Variants in UTS2R observed in about 807,000 individuals in gnomAD.
The protein encoded by UTS2R is urotensin-2 receptor.
For missense variants in UTS2R, 653 were observed against 562.2 expected, an observed-to-expected ratio of 1.16 and a Z score of -1.63; for synonymous variants, 335 against 280.9, an observed-to-expected ratio of 1.19 and a Z score of -1.93.
Position 82,374,404 on chromosome 17 carries a change from GC to G in UTS2R, c.84del (p.Asn29ThrfsTer104). ...AGCTCTGTGCCGGAGCCGCCTGGCG[GC>G]CCCAACGCAACCCTCAACAGCTCCT... Reference protein sequence around the residue: ...TGSSVPEPPGGPNATLNSSWA... With the variant: ...TGSSVPEPPGXPNATLNSSWA... On this transcript the variant is annotated frameshift_variant, in exon 3 of 3. Coordinates refer to ENST00000313135, the MANE Select transcript of UTS2R (RefSeq NM_018949.3). LOFTEE classifies it low-confidence loss of function (END_TRUNC). 1.3e-6 allele frequency: 2 copies of G among 1,594,090 alleles called. No individual in the cohort carries two copies. The highest frequency in any genetic ancestry group is 2.2e-5 in the South Asian group (2 of 89,460).
chr17:82,372,659 A>G lies in UTS2R; in HGVS notation c.-207A>G, dbSNP rs1266358434. 6.6e-6 allele frequency among the ~76,000 whole-genome samples: 1 copy of G among 152,178 alleles called. No homozygotes were observed. The highest frequency in any genetic ancestry group is 1.5e-5 in the Non-Finnish European group (1 of 68,032). ...CAGCGGCGACTCCTTCACTGGCTTC[A>G]TGTCACAGTTTGCCTGCCCCGTCCA... On this transcript the variant is annotated 5_prime_UTR_variant, in exon 2 of 3. The change abolishes an upstream ATG in the 5' untranslated region. Transcript: ENST00000313135.
At chr17:82,372,125 C>T in intron 1 of UTS2R, among the ~76,000 whole-genome samples, 78 bp downstream of exon 1, 1 of 152,122 alleles carries the variant, frequency 6.6e-6, no homozygotes, top group Non-Finnish European at 1.5e-5. Flanking sequence ...CAGGGCTGGG[C>T]CGGGGTTTCG....
In UTS2R at chr17:82,376,023, C is replaced by T. The variant is rs141308748; in HGVS notation, c.*529C>T. On this transcript the variant is annotated 3_prime_UTR_variant, in exon 3 of 3. Transcript: ENST00000313135. ...GTGGGTCTGGCTGGGGTAGAGGGTG[C>T]ACCTGCCTTTGAGGCCTGTGCAGGC... is the stretch of plus-strand genomic sequence containing the variant. 0.018 allele frequency among the ~76,000 whole-genome samples: 2,720 copies of T among 152,294 alleles called. 42 individuals carry two copies. Among genetic ancestry groups the T allele is most frequent in the African/African-American group, 0.032 (1,349 of 41,560 alleles).
Position 82,376,596 on chromosome 17 carries a change from T to C in UTS2R, c.*1102T>C, listed in dbSNP as rs1051326029. ...CGTCAGGAATAAGCATGCAGCGCTC[T>C]CCCCAGGGCCTCCCGGAAGAGGGGC... On this transcript the variant is annotated 3_prime_UTR_variant, in exon 3 of 3. Transcript: ENST00000313135. Among the ~76,000 whole-genome samples, 2 of 152,092 alleles carry C rather than the reference T, an allele frequency of 1.3e-5. No homozygotes were observed. The highest frequency in any genetic ancestry group is 3.9e-4 in the East Asian group (2 of 5,194).
chr17:82,374,547 G>C lies in UTS2R; in HGVS notation c.223G>C (p.Val75Leu). Residue 75 changes from valine to leucine, a missense_variant, in exon 3 of 3, where the codon GTC (valine) becomes CTC (leucine). Transcript: ENST00000313135. ...GVVGNAYTLV[V>L]TCRSLRAVAS... ...GGTGGGCAACGCCTACACGCTGGTG[G>C]TCACCTGCCGCTCCCTGCGTGCGGT... 7 of 1,585,586 alleles carry C rather than the reference G, an allele frequency of 4.4e-6. No homozygotes were observed. The highest frequency in any genetic ancestry group is 6.0e-6 in the Non-Finnish European group (7 of 1,166,896).
intron 2 of UTS2R, among the ~76,000 whole-genome samples, chr17:82,373,030 G>A (rs905772285): frequency 6.6e-6 from 1 of 152,200 alleles, no homozygotes; most frequent in Non-Finnish European, 1.5e-5. Flanking sequence ...GGCTGCGTGG[G>A]TGTCCTTTTC....
Position 82,374,520 on chromosome 17 carries a change from G to A in UTS2R, c.196G>A (p.Val66Met). ...GCTGTCGGCCATGGGCGTGGTGGGC[G>A]TGGTGGGCAACGCCTACACGCTGGT... is the stretch of plus-strand genomic sequence containing the variant. ...TLLSAMGVVG[V>M]VGNAYTLVVT... Residue 66 changes from valine (V) to methionine (M), a missense_variant, in exon 3 of 3, where the codon GTG becomes ATG. By Grantham distance (21) the Val-to-Met change is conservative. Transcript: ENST00000313135. 5 of 1,583,516 alleles carry A rather than the reference G, an allele frequency of 3.2e-6. No individual in the cohort carries two copies. Among genetic ancestry groups the A allele is most frequent in the Non-Finnish European group, 4.3e-6 (5 of 1,165,704 alleles).
At chr17:82,373,876 A>C (rs1258734506) in intron 2 of UTS2R, among the ~76,000 whole-genome samples, 2 of 152,236 alleles carry the variant, frequency 1.3e-5, no homozygotes, top group Non-Finnish European at 2.9e-5. Flanking sequence ...GTGCACAGAC[A>C]AGAAAGTGAG....
At chr17:82,374,009 T>C (rs1302443917) in intron 2 of UTS2R, among the ~76,000 whole-genome samples, 1 of 103,086 alleles carries the variant, frequency 9.7e-6, no homozygotes, top group Non-Finnish European at 1.8e-5. Flanking sequence ...CCAGAGGCCA[T>C]GGGACCTACA....
rs1352083776 is a variant in UTS2R at position 82,374,809 on chromosome 17, C to G, written c.485C>G (p.Pro162Arg). ...VLRPLDTVQR[P>R]KGYRKLLALG... The stretch of plus-strand genomic sequence containing the variant: ...CGGCCGCTGGACACCGTGCAGCGCC[C>G]CAAGGGCTACCGCAAGCTGCTGGCG... The change falls in exon 3 of 3, where the codon CCC (proline) becomes CGC (arginine). Residue 162 changes from proline (P) to arginine (R), a missense_variant. Pro to Arg is a moderately radical substitution (Grantham distance 103, BLOSUM62 -2). Transcript: ENST00000313135. 6.4e-7 allele frequency: 1 copy of G among 1,555,950 alleles called. No individual in the cohort carries two copies. The highest frequency in any genetic ancestry group is 1.4e-5 in the African/African-American group (1 of 74,034).
rs142738265 is a variant in UTS2R at position 82,373,576 on chromosome 17, G to T, written c.-82-667G>T. ...TAGTCTTTTATTGAAAGTATTTTTT[G>T]TTCATTTTTAAGAAATATTTTCCCA... On this transcript the variant is annotated intron_variant, in intron 2 of 2. Transcript: ENST00000313135. 3.8e-3 allele frequency among the ~76,000 whole-genome samples: 575 copies of T among 152,188 alleles called. 3 individuals carry two copies. Among genetic ancestry groups the T allele is most frequent in the African/African-American group, 0.013 (548 of 41,536 alleles).
rs1262568470 is a variant in UTS2R at position 82,374,581 on chromosome 17, T to C, written c.257T>C (p.Met86Thr). Residue 86 changes from methionine to threonine, a missense_variant, in exon 3 of 3, where the codon ATG becomes ACG. By Grantham distance (81) the Met-to-Thr change is moderately conservative. Transcript: ENST00000313135. ...TCRSLRAVAS[M>T]YVYVVNLALA... ...CGCTCCCTGCGTGCGGTGGCCTCCA[T>C]GTACGTCTACGTGGTCAACCTGGCG... The C allele has an allele frequency of 6.2e-7, 1 of 1,603,714 alleles. No homozygotes were observed. Among genetic ancestry groups the C allele is most frequent in the Non-Finnish European group, 8.5e-7 (1 of 1,175,614 alleles).
In UTS2R at chr17:82,375,655, A is replaced by G. The variant is rs2052490957; in HGVS notation, c.*161A>G. 2.1e-6 allele frequency: 1 copy of G among 478,528 alleles called. No individual in the cohort carries two copies. 29.6% of individuals were successfully genotyped at this position (478,528 alleles called of 1,614,324 possible). ...CCTCAGCGCCCTTCCCGTGATGCCC[A>G]GAAGCGCCCACCCGCCTCCCTGAGG... is the stretch of plus-strand genomic sequence containing the variant. On this transcript the variant is annotated 3_prime_UTR_variant, in exon 3 of 3. Coordinates refer to ENST00000313135, the MANE Select transcript of UTS2R (RefSeq NM_018949.3).
Position 82,374,915 on chromosome 17 carries a change from C to A in UTS2R, c.591C>A (p.Ser197Arg). The change falls in exon 3 of 3, where the codon AGC becomes AGA. Residue 197 changes from serine to arginine, a missense_variant. Physicochemically the swap from Ser to Arg is moderately radical, Grantham distance 110. Transcript: ENST00000313135. The part of the protein sequence containing the change: ...AMRLVRRGPK[S>R]LCLPAWGPRA... ...GGCTGGTGCGCCGGGGTCCCAAGAG[C>A]CTGTGCCTGCCCGCCTGGGGCCCGC... The A allele has an allele frequency of 8.8e-7, 1 of 1,140,194 alleles. No homozygotes were observed. The highest frequency in any genetic ancestry group is 1.3e-6 in the Non-Finnish European group (1 of 787,858). The allele number at this position is 1,140,194 out of a possible 1,614,324, so 70.6% of individuals were successfully genotyped here. A position where few individuals can be genotyped will look rare whatever the true frequency, so the allele number is the denominator to read the frequency against.
At position 82,375,368 on chromosome 17, in the gene UTS2R, C is replaced by T; in HGVS notation, c.1044C>T (p.Arg348=). 1 of 1,577,756 alleles carries T rather than the reference C, an allele frequency of 6.3e-7. No individual in the cohort carries two copies. The highest frequency in any genetic ancestry group is 8.6e-7 in the Non-Finnish European group (1 of 1,167,446). Reference sequence around the variant, plus strand: ...GGCCCGTTCCCTCCCTGCAGCCCCGCGCCCGCTTCCAGCGCTGTTCGGGCC... The same window carrying T: ...GGCCCGTTCCCTCCCTGCAGCCCCGTGCCCGCTTCCAGCGCTGTTCGGGCC... ...GRGPVPSLQP[R]ARFQRCSGRS... The change falls in exon 3 of 3, where the codon CGC becomes CGT. Residue 348 remains arginine, a synonymous_variant. Coordinates refer to ENST00000313135, the MANE Select transcript of UTS2R (RefSeq NM_018949.3).
Position 82,375,454 on chromosome 17 carries a change from C to T in UTS2R, c.1130C>T (p.Pro377Leu). The change falls in exon 3 of 3, where the codon CCG becomes CTG. Residue 377 changes from proline (P) to leucine (L), a missense_variant. By Grantham distance (98) the Pro-to-Leu change is moderately conservative. Coordinates refer to ENST00000313135, the MANE Select transcript of UTS2R (RefSeq NM_018949.3). ...AGCCTCGTGCTGGCCCCAGCGGCCC[C>T]GGCCCGACCTGCGCCCGAGGGTCCC... Reference protein sequence around the residue: ...TDSLVLAPAAPARPAPEGPRA... With the variant: ...TDSLVLAPAALARPAPEGPRA... 6.5e-7 allele frequency: 1 copy of T among 1,528,772 alleles called. No individual in the cohort carries two copies. The highest frequency in any genetic ancestry group is 1.4e-5 in the African/African-American group (1 of 69,548). The allele number at this position is 1,528,772 out of a possible 1,614,324, so 94.7% of individuals were successfully genotyped here. A position where few individuals can be genotyped will look rare whatever the true frequency, so the allele number is the denominator to read the frequency against.
rs2052496838 is a variant in UTS2R at position 82,376,469 on chromosome 17, G to T, written c.*975G>T. Among the ~76,000 whole-genome samples, 1 of 152,096 alleles carries T rather than the reference G, an allele frequency of 6.6e-6. No individual in the cohort carries two copies. Among genetic ancestry groups the T allele is most frequent in the South Asian group, 2.1e-4 (1 of 4,834 alleles). On this transcript the variant is annotated 3_prime_UTR_variant, in exon 3 of 3. Coordinates refer to ENST00000313135, the MANE Select transcript of UTS2R (RefSeq NM_018949.3). Reference sequence around the variant, plus strand: ...CATGCCCAGACTACCAGCCCCTTGGGGCTCCATCTGAACACTGGGGCAAGG... The same window carrying T: ...CATGCCCAGACTACCAGCCCCTTGGTGCTCCATCTGAACACTGGGGCAAGG...
At chr17:82,373,913 C>T (rs1473321985) in intron 2 of UTS2R, among the ~76,000 whole-genome samples, 3 of 152,218 alleles carry the variant, frequency 2.0e-5, no homozygotes, top group Non-Finnish European at 4.4e-5. Flanking sequence ...TGGGCAGAGC[C>T]CAGGACTCCC....
intron 2 of UTS2R, 50 bp from the exon 3 acceptor site, chr17:82,374,193 T>C: frequency 1.4e-6 from 1 of 709,188 alleles, no homozygotes; most frequent in South Asian, 1.9e-5. Flanking sequence ...GCCATCACAG[T>C]GGCCTCCTGG....
Sources: gnomAD v4.1 joint callset for allele counts (sites outside exome capture counted in the v4.1 genomes callset) on GRCh38, gnomAD v4.1.1 for gene constraint, MANE v1.5 for transcripts, NCBI Gene and HGNC (gene_info 2026-07-23, HGNC 2026-07-21) for gene names.